DDX55: variants seen among roughly 807,000 people sequenced by gnomAD.
The protein encoded by DDX55 is ATP-dependent RNA helicase DDX55.
DDX55 carries 56 observed loss-of-function variants against 69.2 expected under a neutral mutation model. The ratio of observed to expected loss-of-function variants is 0.81; its 90% CI spans 0.65 to 1.01. The LOEUF is 1.01. Ranked by LOEUF, DDX55 falls within the 50% of genes least tolerant of loss-of-function variation. DDX55 has a pLI of 0.00. For synonymous variants in DDX55, 268 were observed against 273.1 expected (o/e 0.98, Z 0.18); for missense variants, 720 against 745.1 (o/e 0.97, Z 0.39).
rs1166991483 is a variant in DDX55, at chr12:123,618,522, G to T, written c.1165-147G>T. 4 of 1,532,642 alleles carry T rather than the reference G, an allele frequency of 2.6e-6. No individual in the cohort carries two copies. The East Asian group carries it at 9.5e-5, about 37-fold the overall frequency. 94.9% of individuals were successfully genotyped at this position (1,532,642 alleles called of 1,614,324 possible). A position where few individuals can be genotyped will look rare whatever the true frequency, so the allele number is the denominator to read the frequency against. On this transcript the variant is annotated intron_variant, in intron 11 of 13. Transcript: ENST00000238146. ...AAATTTAACATACTTTACAGAGCAT[G>T]TGAAATATTTGGGTTGGAGTTGGGC...
chr12:123,619,762 G>C (rs1490158412), intron 13 of DDX55, 38 bp downstream of exon 13: 20 of 1,541,998 alleles, frequency 1.3e-5, no homozygotes, highest in Non-Finnish European at 1.7e-5. Context: ...TTAGAATCTT[G>C]AACAAATTTA....
chr12:123,616,629 C>A (rs1593737501), intron 10 of DDX55, 26 bp downstream of exon 10: 1 of 1,601,200 alleles, frequency 6.2e-7, no homozygotes, highest in South Asian at 1.1e-5. Flanking sequence ...GCCACCCACT[C>A]TCTGTTGAGG....
chr12:123,607,450 AC>A lies in DDX55; in HGVS notation c.270del (p.Thr91LeufsTer8). ...KKSQVGAIIITPTRELAIQID... is the reference protein window; with the variant it reads ...KKSQVGAIIIXPTRELAIQID... ...TGGGTAGGTTGGAGCCATAATCATCACCCCCACTCGAGAGCTGGCCATTCAA... is the reference window on the plus strand; with the variant it reads ...TGGGTAGGTTGGAGCCATAATCATCACCCCACTCGAGAGCTGGCCATTCAA... On this transcript the variant is annotated frameshift_variant, in exon 4 of 14. Transcript: ENST00000238146. LOFTEE classifies it high-confidence loss of function. 3.1e-6 allele frequency: 5 copies of A among 1,613,474 alleles called. No homozygotes were observed. The South Asian group carries it at 4.4e-5, about 14-fold the overall frequency.
At chr12:123,605,873 G>A in intron 1 of DDX55, 58 bp from the exon 2 acceptor site, 2 of 1,612,112 alleles carry the variant, frequency 1.2e-6, no homozygotes, top group Non-Finnish European at 8.5e-7. Flanking sequence ...AGGGCTTCGG[G>A]TCTCACCTGT....
At chr12:123,619,214 A>G (rs542921427) in intron 12 of DDX55, among the ~76,000 whole-genome samples, 99 of 152,338 alleles carry the variant, frequency 6.5e-4, no homozygotes, top group East Asian at 4.4e-3. Flanking sequence ...CGTGTTAGCC[A>G]GGATGGTCTC....
chr12:123,614,141 C>T (rs746882957), intron 8 of DDX55, among the ~76,000 whole-genome samples: 2 of 152,118 alleles, frequency 1.3e-5, no homozygotes, highest in Non-Finnish European at 2.9e-5. Flanking sequence ...TGAAACTGCA[C>T]CCTGCTAGGT....
Position 123,618,800 on chromosome 12 carries a change from T to G in DDX55, c.1296T>G (p.Tyr432Ter), listed in dbSNP as rs577563604. ...CTTTTGTGTCATATGTCCAAGCTTA[T>G]GCAAAGCATGAATGCAACCTGATTT... is the stretch of plus-strand genomic sequence containing the variant. ...MKAFVSYVQAYAKHECNLIFR... is the reference protein window; with the variant it reads ...MKAFVSYVQA The change falls in exon 12 of 14, where the codon TAT (tyrosine) becomes TAG (stop). Residue 432 changes from tyrosine to a stop codon, truncating the protein, a stop_gained. Coordinates refer to ENST00000238146, the MANE Select transcript of DDX55 (RefSeq NM_020936.3). LOFTEE classifies it high-confidence loss of function. The G allele has an allele frequency of 1.1e-5, 18 of 1,614,206 alleles. No homozygotes were observed. The East Asian group carries it at 3.1e-4, about 28-fold the overall frequency.
At position 123,608,702 on chromosome 12, in the gene DDX55, C is replaced by T. The variant is rs1954032899; in HGVS notation, c.424C>T (p.Pro142Ser). 1 of 1,613,924 alleles carries T rather than the reference C, an allele frequency of 6.2e-7. No homozygotes were observed. Among genetic ancestry groups the T allele is most frequent in the Non-Finnish European group, 8.5e-7 (1 of 1,179,974 alleles). ...AAGTGGGAACATCATTGTGGCCACT[C>T]CAGGCCGCTTGGAGGACATGTTCCG... ...QQGGNIIVAT[P>S]GRLEDMFRRK... Residue 142 changes from proline to serine, a missense_variant, in exon 6 of 14, where the codon CCA becomes TCA. Pro to Ser is a moderately conservative substitution (Grantham distance 74). Coordinates refer to ENST00000238146, the MANE Select transcript of DDX55 (RefSeq NM_020936.3).
chr12:123,613,026 TAG>T, intron 7 of DDX55, 142 bp from the exon 8 acceptor site: 1 of 756,406 alleles, frequency 1.3e-6, no homozygotes. Context: ...CTGAGCTAGG[TAG>T]ACCAGTTAAC....
intron 6 of DDX55, among the ~76,000 whole-genome samples, chr12:123,609,070 C>T (rs533596486): frequency 6.6e-6 from 1 of 152,182 alleles, no homozygotes; most frequent in Non-Finnish European, 1.5e-5. Flanking sequence ...CCTCCTGCAT[C>T]AGCCTCCCGG....
intron 1 of DDX55, among the ~76,000 whole-genome samples, 184 bp downstream of exon 1, chr12:123,602,440 C>G (rs1453373389): frequency 6.6e-6 from 1 of 152,222 alleles, no homozygotes; most frequent in South Asian, 2.1e-4. Context: ...AGCGAGCCGG[C>G]AGAGGGGCCG....
intron 6 of DDX55, 87 bp downstream of exon 6, chr12:123,608,916 T>C: frequency 8.5e-7 from 1 of 1,173,858 alleles, no homozygotes; most frequent in Non-Finnish European, 1.1e-6. Context: ...GTTTCATGAC[T>C]AGGTATTTTT....
chr12:123,607,455 C>T lies in DDX55; in HGVS notation c.270C>T (p.Pro90=). The change falls in exon 4 of 14, where the codon CCC becomes CCT. Residue 90 remains proline (P), a synonymous_variant. Transcript: ENST00000238146. ...AGGTTGGAGCCATAATCATCACCCC[C>T]ACTCGAGAGCTGGCCATTCAAATAG... ...KSQVGAIIIT[P]TRELAIQIDE... is the part of the protein sequence containing the mutation. 2 of 1,614,138 alleles carry T rather than the reference C, an allele frequency of 1.2e-6. No homozygotes were observed. The highest frequency in any genetic ancestry group is 1.7e-6 in the Non-Finnish European group (2 of 1,180,042).
intron 5 of DDX55, chr12:123,608,475 C>T (rs1954020064): frequency 1.9e-6 from 1 of 531,320 alleles, no homozygotes; most frequent in African/African-American, 1.9e-5. Context: ...CCAACCTTGC[C>T]TAGGTCATAG....
At chr12:123,615,157 G>C (rs35708602) in intron 8 of DDX55, 28 bp from the exon 9 acceptor site, 443,344 of 1,612,230 alleles carry the variant, frequency 0.27, 64,480 homozygotes, top group African/African-American at 0.42. Context: ...AGTGGCCAAT[G>C]ACTCTAAGCC....
At chr12:123,602,500 T>A (rs963620953) in intron 1 of DDX55, among the ~76,000 whole-genome samples, 3 of 152,242 alleles carry the variant, frequency 2.0e-5, no homozygotes, top group African/African-American at 7.2e-5. Context: ...GTTCTCATCC[T>A]GGCCCTGCTC....
intron 5 of DDX55, 138 bp from the exon 6 acceptor site, chr12:123,608,542 C>T (rs1375961131): frequency 9.6e-7 from 1 of 1,041,198 alleles, no homozygotes; most frequent in East Asian, 2.4e-5. Flanking sequence ...CTGCAGCACT[C>T]TTCTACTCTC....
At chr12:123,609,370 G>GTTTTGTTT (rs1954072210) in intron 6 of DDX55, among the ~76,000 whole-genome samples, 1 of 124,700 alleles carries the variant, frequency 8.0e-6, no homozygotes, top group Non-Finnish European at 1.7e-5. Flanking sequence ...TTTCCTTCAA[G>GTTTTGTTT]TTTTTTTTTT....
intron 11 of DDX55, chr12:123,618,464 C>T: frequency 6.8e-7 from 1 of 1,470,334 alleles, no homozygotes. Context: ...TTAGGATTGT[C>T]ATGTGAAATC....
Sources: allele counts gnomAD v4.1 joint callset (sites outside exome capture counted in the v4.1 genomes callset), GRCh38; gene constraint gnomAD v4.1.1; transcripts MANE v1.5; gene names NCBI Gene and HGNC (gene_info 2026-07-23, HGNC 2026-07-21).